AKAP6: variants seen among roughly 807,000 people sequenced by gnomAD.
AKAP6 encodes the protein A-kinase anchoring protein 6, also known as A-kinase anchor protein 6.
Under a neutral mutation model 188.5 loss-of-function variants are expected in AKAP6, and 58 were observed. That is an observed-to-expected ratio of 0.31 (90% CI 0.25 to 0.38). AKAP6 has a LOEUF of 0.38. Among genes scored for constraint, AKAP6 ranks in the 10% least tolerant of loss-of-function variants. The pLI is 1.00. For missense variants in AKAP6, 2,710 were observed against 2,740.0 expected (o/e 0.99, Z 0.24); for synonymous variants, 989 against 998.6 (o/e 0.99, Z 0.18).
intron 13 of AKAP6, among the ~76,000 whole-genome samples, chr14:32,828,499 A>G (rs1468650940): frequency 6.7e-6 from 1 of 148,796 alleles, no homozygotes; most frequent in African/African-American, 2.5e-5. Flanking sequence ...GGCATCACCT[A>G]TCATCTATCT....
At chr14:32,490,148 A>G (rs12878966) in intron 2 of AKAP6, among the ~76,000 whole-genome samples, 95,499 of 144,210 alleles carry the variant, frequency 0.66, 33,111 homozygotes, top group East Asian at 0.88. Context: ...CAGTTAGGAT[A>G]GGGCAGAACA....
rs1889953774 is a variant in AKAP6, at chr14:32,686,985, A to G, written c.2879+8526A>G. Among the ~76,000 whole-genome samples the G allele has an allele frequency of 2.0e-5, 3 of 152,296 alleles. No individual in the cohort carries two copies. In the South Asian group the frequency reaches 6.2e-4, roughly 32 times the overall value. On this transcript the variant is annotated intron_variant, in intron 8 of 13. Coordinates refer to ENST00000280979, the MANE Select transcript of AKAP6 (RefSeq NM_004274.5). ...ATCCCTCATCACGCAAGGCTTTAGT[A>G]TAAATTTTCTTCCCAAATAGAAACA... is the stretch of plus-strand genomic sequence containing the variant.
rs74518515 is a variant in AKAP6 at position 32,659,854 on chromosome 14, G to A, written c.2731-18457G>A. On this transcript the variant is annotated intron_variant, in intron 7 of 13. Coordinates refer to ENST00000280979, the MANE Select transcript of AKAP6 (RefSeq NM_004274.5). ...CTTTGACTCTGATAACTTACCATCAGTCTCAGAGGGCTAAGATTTGTCTTC... is the reference window on the plus strand; with the variant it reads ...CTTTGACTCTGATAACTTACCATCAATCTCAGAGGGCTAAGATTTGTCTTC... 4.7e-3 allele frequency among the ~76,000 whole-genome samples: 708 copies of A among 152,206 alleles called. 3 individuals carry two copies. Among genetic ancestry groups the A allele is most frequent in the African/African-American group, 0.014 (585 of 41,542 alleles).
At chr14:32,565,160 C>A (rs145841137) in intron 4 of AKAP6, among the ~76,000 whole-genome samples, 167 of 152,268 alleles carry the variant, frequency 1.1e-3, no homozygotes, top group African/African-American at 3.8e-3. Flanking sequence ...ATGTTGCTTT[C>A]TCTTACTAGA....
intron 2 of AKAP6, among the ~76,000 whole-genome samples, chr14:32,506,018 C>T (rs1385268193): frequency 2.0e-5 from 3 of 151,800 alleles, no homozygotes; most frequent in African/African-American, 7.3e-5. Context: ...TGGCATGGAC[C>T]TGTAGTTCAA....
At chr14:32,793,468 A>C (rs899973925) in intron 12 of AKAP6, among the ~76,000 whole-genome samples, 14 of 152,138 alleles carry the variant, frequency 9.2e-5, no homozygotes, top group Admixed American at 9.2e-4. Flanking sequence ...TCAATAAAAA[A>C]AAGCTAACTA....
intron 7 of AKAP6, among the ~76,000 whole-genome samples, chr14:32,643,572 T>G (rs199881078): frequency 2.6e-5 from 4 of 152,070 alleles, no homozygotes; most frequent in African/African-American, 9.7e-5. Flanking sequence ...TCCCAAAGTG[T>G]TGGGATTACA....
Position 32,539,534 on chromosome 14 carries a change from TA to T in AKAP6, c.576+3732del, listed in dbSNP as rs201618270. 6.5e-3 allele frequency among the ~76,000 whole-genome samples: 997 copies of T among 152,282 alleles called. 19 individuals are homozygous for T. The highest frequency in any genetic ancestry group is 0.028 in the Admixed American group (425 of 15,298). ...TGTAAAAAAATCTGATTAGTTGAAT[TA>T]AATAATACAGATAATCCCTGCTTTA... On this transcript the variant is annotated intron_variant, in intron 3 of 13. Coordinates refer to ENST00000280979, the MANE Select transcript of AKAP6 (RefSeq NM_004274.5).
At chr14:32,810,409 C>T (rs1368419193) in intron 12 of AKAP6, among the ~76,000 whole-genome samples, 1 of 151,980 alleles carries the variant, frequency 6.6e-6, no homozygotes, top group Non-Finnish European at 1.5e-5. Context: ...GTGTAAGAGC[C>T]CAGGACAAGA....
intron 9 of AKAP6, among the ~76,000 whole-genome samples, chr14:32,722,977 A>G (rs2030630560): frequency 6.6e-6 from 1 of 152,154 alleles, no homozygotes; most frequent in Admixed American, 6.5e-5. Context: ...TCCAGAGGTT[A>G]TGGGCAACCC....
chr14:32,829,800 AAAAT>A (rs1214879757), intron 13 of AKAP6, 44 bp from the exon 14 acceptor site: 1 of 675,312 alleles, frequency 1.5e-6, no homozygotes, highest in African/African-American at 1.8e-5. Flanking sequence ...TTGCTAATGA[AAAAT>A]ACATTTCTGA....
At chr14:32,487,269 T>C (rs1298107920) in intron 2 of AKAP6, among the ~76,000 whole-genome samples, 1 of 152,236 alleles carries the variant, frequency 6.6e-6, no homozygotes, top group Non-Finnish European at 1.5e-5. Flanking sequence ...GATATTGGCC[T>C]GAAATTTTCT....
intron 9 of AKAP6, among the ~76,000 whole-genome samples, 197 bp from the exon 10 acceptor site, chr14:32,732,257 C>CTG (rs3830858): frequency 0.077 from 11,514 of 150,072 alleles, 878 homozygotes; most frequent in East Asian, 0.39. Flanking sequence ...AATGTAATAA[C>CTG]TGTGTGTGTG....
chr14:32,617,936 A>AT (rs918830009), intron 7 of AKAP6, among the ~76,000 whole-genome samples: 23 of 148,984 alleles, frequency 1.5e-4, no homozygotes, highest in South Asian at 1.1e-3. Context: ...CCTTCAGGTC[A>AT]TTTTTTTTTT....
chr14:32,396,575 A>G (rs1031139312), intron 1 of AKAP6, among the ~76,000 whole-genome samples: 1 of 152,192 alleles, frequency 6.6e-6, no homozygotes, highest in Non-Finnish European at 1.5e-5. Context: ...GGCTAGTGAT[A>G]AAACAGGAAA....
intron 11 of AKAP6, among the ~76,000 whole-genome samples, chr14:32,754,983 T>C (rs750501719): frequency 1.2e-4 from 19 of 152,220 alleles, no homozygotes; most frequent in Non-Finnish European, 4.4e-5. Context: ...GGTGAAGATA[T>C]CTGTATTTAA....
chr14:32,489,799 A>G (rs1879903762), intron 2 of AKAP6, among the ~76,000 whole-genome samples: 1 of 152,204 alleles, frequency 6.6e-6, no homozygotes. Flanking sequence ...TGGTGCTTCA[A>G]ATAAATATAG....
At chr14:32,745,373 C>G (rs2031851594) in intron 11 of AKAP6, among the ~76,000 whole-genome samples, 2 of 142,286 alleles carry the variant, frequency 1.4e-5, no homozygotes, top group Admixed American at 7.0e-5. Context: ...GCTTGATGGT[C>G]TTGGACAACG....
At chr14:32,768,137 A>G (rs1000380940) in intron 11 of AKAP6, among the ~76,000 whole-genome samples, 2 of 152,184 alleles carry the variant, frequency 1.3e-5, no homozygotes, top group Non-Finnish European at 2.9e-5. Flanking sequence ...TCCCCCACAA[A>G]ACAATGATCC....
Sources: gnomAD v4.1 joint callset for allele counts (sites outside exome capture counted in the v4.1 genomes callset) on GRCh38, gnomAD v4.1.1 for gene constraint, MANE v1.5 for transcripts, NCBI Gene and HGNC (gene_info 2026-07-23, HGNC 2026-07-21) for gene names.